Variants in GABRB1 observed in about 807,000 individuals in gnomAD.
The protein encoded by GABRB1 is gamma-aminobutyric acid type A receptor subunit beta1.
A neutral mutation model predicts 51.6 loss-of-function variants in GABRB1; 17 were observed. That is an observed-to-expected ratio of 0.33 (90% CI 0.23 to 0.49). The LOEUF (loss-of-function observed/expected upper bound fraction) is 0.49, where lower values mean the gene tolerates loss of function less well. Ranked by LOEUF, GABRB1 falls within the 20% of genes least tolerant of loss-of-function variation. The pLI, the probability that GABRB1 is intolerant of heterozygous loss-of-function variation, is 0.99. For missense variants in GABRB1, 410 were observed against 600.6 expected (o/e 0.68, Z 3.32); for synonymous variants, 247 against 218.9 (o/e 1.13, Z -1.14).
chr4:47,391,865 G>A (rs919529460), intron 5 of GABRB1, among the ~76,000 whole-genome samples: 18 of 152,244 alleles, frequency 1.2e-4, no homozygotes, highest in Admixed American at 1.0e-3. Flanking sequence ...TTAAATGAAT[G>A]AAAGAAGGCC....
At chr4:47,083,020 C>T (rs1056999461) in intron 3 of GABRB1, among the ~76,000 whole-genome samples, 2 of 152,114 alleles carry the variant, frequency 1.3e-5, no homozygotes, top group Non-Finnish European at 2.9e-5. Flanking sequence ...ATAGGCTACC[C>T]TGACCTCCTC....
At chr4:47,071,855 A>T (rs1448919144) in intron 3 of GABRB1, among the ~76,000 whole-genome samples, 1 of 152,092 alleles carries the variant, frequency 6.6e-6, no homozygotes, top group Admixed American at 6.6e-5. Flanking sequence ...TATAATACAT[A>T]TGTAACCTAT....
chr4:47,254,436 G>A (rs1189524865), intron 4 of GABRB1, among the ~76,000 whole-genome samples: 2 of 123,484 alleles, frequency 1.6e-5, no homozygotes, highest in Non-Finnish European at 3.1e-5. Flanking sequence ...GTGCAGTGGC[G>A]CTCACTGCAA....
chr4:47,371,004 A>C (rs1174460131), intron 5 of GABRB1, among the ~76,000 whole-genome samples: 1 of 151,868 alleles, frequency 6.6e-6, no homozygotes, highest in Non-Finnish European at 1.5e-5. Flanking sequence ...AATATATGCC[A>C]GGGTGGTTTG....
chr4:47,046,475 T>C (rs1726094189), intron 3 of GABRB1, among the ~76,000 whole-genome samples: 1 of 152,044 alleles, frequency 6.6e-6, no homozygotes, highest in South Asian at 2.1e-4. Context: ...TTAAGAAACA[T>C]CCAAAAATCT....
chr4:47,282,841 G>T (rs1042160673), intron 4 of GABRB1, among the ~76,000 whole-genome samples: 38 of 152,148 alleles, frequency 2.5e-4, no homozygotes, highest in African/African-American at 8.9e-4. Flanking sequence ...ACAAAGGAAG[G>T]TTCAGAGATG....
chr4:47,123,791 AATATATT>A (rs1715962657), intron 3 of GABRB1, among the ~76,000 whole-genome samples: 2 of 80,502 alleles, frequency 2.5e-5, no homozygotes, highest in African/African-American at 1.0e-4. Flanking sequence ...TATTATATAT[AATATATT>A]ATATATCATA....
At chr4:47,123,717 G>GAT (rs557406727) in intron 3 of GABRB1, among the ~76,000 whole-genome samples, 2 of 58,620 alleles carry the variant, frequency 3.4e-5, no homozygotes, top group East Asian at 6.9e-4. Context: ...TATGATATAT[G>GAT]ATATATGATA....
chr4:47,122,264 A>T (rs1395148234), intron 3 of GABRB1, among the ~76,000 whole-genome samples: 1 of 152,206 alleles, frequency 6.6e-6, no homozygotes, highest in Non-Finnish European at 1.5e-5. Flanking sequence ...ACAGTGTTGA[A>T]TCTCAATTTG....
chr4:47,014,885 A>G (rs1281367325), intron 1 of GABRB1, among the ~76,000 whole-genome samples: 1 of 127,782 alleles, frequency 7.8e-6, no homozygotes, highest in Non-Finnish European at 1.6e-5. Context: ...TATAGTATTT[A>G]GTAGCTGTAT....
At chr4:47,194,895 T>C (rs1719584172) in intron 4 of GABRB1, among the ~76,000 whole-genome samples, 1 of 152,212 alleles carries the variant, frequency 6.6e-6, no homozygotes. Flanking sequence ...GAGGCTTATC[T>C]AGGCTTTAGG....
chr4:47,184,718 T>C (rs1283634349), intron 4 of GABRB1, among the ~76,000 whole-genome samples: 1 of 151,904 alleles, frequency 6.6e-6, no homozygotes, highest in Non-Finnish European at 1.5e-5. Context: ...TTAGCTTTGC[T>C]TCTCAACCTG....
At chr4:47,214,569 ACTT>A (rs1157032260) in intron 4 of GABRB1, among the ~76,000 whole-genome samples, 1 of 152,180 alleles carries the variant, frequency 6.6e-6, no homozygotes, top group Non-Finnish European at 1.5e-5. Flanking sequence ...GGAAATGTGA[ACTT>A]CAATTGTATT....
At chr4:47,374,211 A>G (rs1400084608) in intron 5 of GABRB1, among the ~76,000 whole-genome samples, 1 of 152,190 alleles carries the variant, frequency 6.6e-6, no homozygotes, top group East Asian at 1.9e-4. Context: ...ACATGGTGAA[A>G]CCTGGTCTCT....
chr4:47,160,427 A>T (rs1259217940), intron 3 of GABRB1, among the ~76,000 whole-genome samples: 2 of 152,152 alleles, frequency 1.3e-5, no homozygotes, highest in African/African-American at 4.8e-5. Context: ...TCAAAGAAAA[A>T]TCCAGATAAG....
At chr4:47,083,695 C>G (rs1727948181) in intron 3 of GABRB1, among the ~76,000 whole-genome samples, 1 of 152,292 alleles carries the variant, frequency 6.6e-6, no homozygotes, top group East Asian at 1.9e-4. Context: ...CCAATGCCTA[C>G]TAATACCTAG....
chr4:47,236,727 G>A (rs1277145530), intron 4 of GABRB1, among the ~76,000 whole-genome samples: 2 of 152,138 alleles, frequency 1.3e-5, no homozygotes, highest in Non-Finnish European at 2.9e-5. Flanking sequence ...TTTGGGCAAT[G>A]TTCAATCCTG....
chr4:47,254,362 T>G (rs3098800), intron 4 of GABRB1, among the ~76,000 whole-genome samples: 17,194 of 30,834 alleles, frequency 0.56, 3,419 homozygotes, highest in South Asian at 0.73. Context: ...CTTTTCTTTG[T>G]TTTTTTTTTT....
intron 5 of GABRB1, among the ~76,000 whole-genome samples, chr4:47,395,397 G>A (rs894504897): frequency 2.6e-5 from 4 of 152,088 alleles, no homozygotes; most frequent in African/African-American, 7.2e-5. Context: ...GATCACATTC[G>A]AACTCATTCG....
Sources: allele counts gnomAD v4.1 joint callset (sites outside exome capture counted in the v4.1 genomes callset), GRCh38; gene constraint gnomAD v4.1.1; transcripts MANE v1.5; gene names NCBI Gene and HGNC (gene_info 2026-07-23, HGNC 2026-07-21).